TMEM117: variants seen among roughly 807,000 people sequenced by gnomAD.
The protein encoded by TMEM117 is transmembrane protein 117.
TMEM117 carries 27 observed loss-of-function variants against 52.4 expected under a neutral mutation model. The ratio of observed to expected loss-of-function variants is 0.51; its 90% confidence interval spans 0.38 to 0.71. The LOEUF is 0.71. TMEM117 is among the 30% of genes least tolerant of loss of function. The pLI, the probability that TMEM117 is intolerant of heterozygous loss-of-function variation, is 0.00. For missense variants in TMEM117, 556 were observed against 630.5 expected (o/e 0.88, Z 1.26); for synonymous variants, 215 against 206.3 (o/e 1.04, Z -0.36).
intron 6 of TMEM117, among the ~76,000 whole-genome samples, chr12:44,363,112 A>G (rs879663424): frequency 1.3e-5 from 2 of 152,192 alleles, no homozygotes; most frequent in Non-Finnish European, 2.9e-5. Flanking sequence ...ACTTGCCATC[A>G]TGCAAAAACA....
At chr12:43,804,274 C>A in the TMEM117 span, 3 of 530,600 alleles carry the variant, frequency 5.7e-6, no homozygotes, top group Admixed American at 2.7e-5. Context: ...GAAGAAGTCA[C>A]ATCAAAAAAC....
At position 43,880,014 on chromosome 12, in the gene TMEM117, T is replaced by G. The variant is rs577548957; in HGVS notation, c.277+35086T>G. Among the ~76,000 whole-genome samples the G allele has an allele frequency of 2.6e-5, 4 of 152,346 alleles. No homozygotes were observed. In the East Asian group the frequency reaches 5.8e-4, roughly 22 times the overall value. On this transcript the variant is annotated intron_variant, in intron 2 of 7. Transcript: ENST00000266534. ...TAATTCATTTGTAAGGAATATAAATTAAAGCTTTCTTCAAGTCATTGGAGT... is the reference window on the plus strand; with the variant it reads ...TAATTCATTTGTAAGGAATATAAATGAAAGCTTTCTTCAAGTCATTGGAGT...
At chr12:43,857,460 C>A (rs556143214) in intron 2 of TMEM117, among the ~76,000 whole-genome samples, 1 of 150,262 alleles carries the variant, frequency 6.7e-6, no homozygotes, top group Non-Finnish European at 1.5e-5. Context: ...ACAAAGGGGG[C>A]TATCACATGG....
At chr12:44,052,378 T>C in intron 3 of TMEM117, among the ~76,000 whole-genome samples, 1 of 152,048 alleles carries the variant, frequency 6.6e-6, no homozygotes, top group African/African-American at 2.4e-5. Flanking sequence ...AGCCTCCCAA[T>C]GCACTGGCTC....
intron 3 of TMEM117, among the ~76,000 whole-genome samples, chr12:44,087,941 A>T (rs1947599966): frequency 6.6e-6 from 1 of 152,214 alleles, no homozygotes; most frequent in African/African-American, 2.4e-5. Context: ...ACTTTTTGAT[A>T]TCAGAAGTCT....
At chr12:44,176,520 G>A (rs1004285678) in intron 4 of TMEM117, among the ~76,000 whole-genome samples, 1 of 152,120 alleles carries the variant, frequency 6.6e-6, no homozygotes, top group Non-Finnish European at 1.5e-5. Flanking sequence ...CCATAAAGTT[G>A]TATAGAGTTT....
At chr12:44,129,243 C>A (rs921438798) in intron 3 of TMEM117, among the ~76,000 whole-genome samples, 2 of 152,178 alleles carry the variant, frequency 1.3e-5, no homozygotes, top group Non-Finnish European at 2.9e-5. Flanking sequence ...CCTACACATA[C>A]CCTTTAGTGA....
At chr12:43,806,022 GGGACCGGGCTGGA>G in the TMEM117 span, 11 of 1,522,866 alleles carry the variant, frequency 7.2e-6, no homozygotes, top group Non-Finnish European at 8.8e-6. Context: ...GACGGCAGCA[GGGACCGGGCTGGA>G]GGAGGACGCA....
At chr12:44,181,369 T>G (rs1949195973) in intron 4 of TMEM117, among the ~76,000 whole-genome samples, 1 of 152,152 alleles carries the variant, frequency 6.6e-6, no homozygotes, top group African/African-American at 2.4e-5. Flanking sequence ...TAGATCCCAT[T>G]TGTCAATTTT....
intron 5 of TMEM117, among the ~76,000 whole-genome samples, chr12:44,228,858 G>A (rs908085255): frequency 2.6e-5 from 4 of 152,096 alleles, no homozygotes; most frequent in Non-Finnish European, 5.9e-5. Flanking sequence ...GGAGCCTGTG[G>A]GCCACACACA....
intron 2 of TMEM117, among the ~76,000 whole-genome samples, chr12:43,875,220 A>AGT (rs63614060): frequency 0.034 from 5,001 of 148,188 alleles, 199 homozygotes; most frequent in African/African-American, 0.099. Flanking sequence ...ATGGTGGGGA[A>AGT]GTGTGTGTGT....
chr12:44,025,553 A>G (rs1226605736), intron 3 of TMEM117, among the ~76,000 whole-genome samples: 3 of 152,196 alleles, frequency 2.0e-5, no homozygotes, highest in African/African-American at 7.2e-5. Context: ...TCACGATTGT[A>G]TTGATTGGTG....
intron 1 of TMEM117, among the ~76,000 whole-genome samples, chr12:43,840,913 G>A (rs1592297402): frequency 6.6e-6 from 1 of 152,188 alleles, no homozygotes; most frequent in Non-Finnish European, 1.5e-5. Context: ...CATACTGATT[G>A]TAAAGATGTT....
At chr12:44,164,946 G>A (rs960795755) in intron 4 of TMEM117, among the ~76,000 whole-genome samples, 5 of 151,966 alleles carry the variant, frequency 3.3e-5, no homozygotes, top group African/African-American at 1.2e-4. Flanking sequence ...TTCTGTTCTG[G>A]CTATTTTGAA....
intron 1 of TMEM117, among the ~76,000 whole-genome samples, chr12:43,839,867 T>G (rs762120465): frequency 6.6e-6 from 1 of 152,242 alleles, no homozygotes; most frequent in Non-Finnish European, 1.5e-5. Context: ...TCAGCACTCT[T>G]TTGCTCTGAA....
chr12:43,960,082 G>C (rs758717140), intron 3 of TMEM117, among the ~76,000 whole-genome samples: 6 of 152,218 alleles, frequency 3.9e-5, no homozygotes, highest in Non-Finnish European at 5.9e-5. Context: ...AATTCTGCTG[G>C]AGTGGTGCTT....
intron 5 of TMEM117, among the ~76,000 whole-genome samples, chr12:44,226,492 A>AAT (rs914825465): frequency 5.1e-5 from 7 of 136,938 alleles, no homozygotes; most frequent in Admixed American, 2.2e-4. Context: ...TATAAATATA[A>AAT]ATATATATAT....
intron 6 of TMEM117, among the ~76,000 whole-genome samples, chr12:44,372,649 A>T (rs1367193699): frequency 1.3e-5 from 2 of 152,178 alleles, no homozygotes; most frequent in Non-Finnish European, 2.9e-5. Flanking sequence ...CTCTCATGGA[A>T]CTGGCTTTTG....
chr12:44,345,478 A>G lies in TMEM117; in HGVS notation c.769-31117A>G, dbSNP rs555999295. Among the ~76,000 whole-genome samples, 3 of 152,232 alleles carry G rather than the reference A, an allele frequency of 2.0e-5. No homozygotes were observed. In the South Asian group the frequency reaches 6.2e-4, roughly 32 times the overall value. On this transcript the variant is annotated intron_variant, in intron 6 of 7. Coordinates refer to ENST00000266534, the MANE Select transcript of TMEM117 (RefSeq NM_032256.3). ...AGTGCATATTTTCTCATTTTGTAAA[A>G]CAGATAAAACACATATTCATAGTAT...
Sources: gnomAD v4.1 joint callset for allele counts (sites outside exome capture counted in the v4.1 genomes callset) on GRCh38, gnomAD v4.1.1 for gene constraint, MANE v1.5 for transcripts, NCBI Gene and HGNC (gene_info 2026-07-23, HGNC 2026-07-21) for gene names.